The following SUCLG2 variants were observed in gnomAD, a reference collection of about 807,000 sequenced individuals.
SUCLG2 encodes the protein succinate-CoA ligase GDP-forming subunit beta.
A neutral mutation model predicts 47.9 loss-of-function variants in SUCLG2; 42 were observed. The observed-to-expected ratio is 0.88, with a 90% CI of 0.69 to 1.14. SUCLG2 has a LOEUF of 1.14. SUCLG2 is among the 50% of genes most tolerant of loss of function. The pLI is 0.00. For missense variants in SUCLG2, 571 were observed against 525.9 expected (o/e 1.09, Z -0.84); for synonymous variants, 195 against 197.3 (o/e 0.99, Z 0.10).
chr3:67,570,270 C>A (rs981987144), intron 2 of SUCLG2, among the ~76,000 whole-genome samples: 1 of 152,164 alleles, frequency 6.6e-6, no homozygotes, highest in Non-Finnish European at 1.5e-5. Context: ...TTATGGCAGC[C>A]CTAGCTGACT....
intron 1 of SUCLG2, among the ~76,000 whole-genome samples, chr3:67,649,781 T>C (rs1479025319): frequency 6.6e-6 from 1 of 152,244 alleles, no homozygotes; most frequent in Admixed American, 6.5e-5. Context: ...TAACAGAAAG[T>C]GATGCATCAA....
Position 67,481,944 on chromosome 3 carries a change from C to T in SUCLG2, c.1062+13854G>A, listed in dbSNP as rs539779062. Among the ~76,000 whole-genome samples, 35 of 152,234 alleles carry T rather than the reference C, an allele frequency of 2.3e-4. No homozygotes were observed. The South Asian group carries it at 4.0e-3, about 17-fold the overall frequency. On this transcript the variant is annotated intron_variant, in intron 9 of 10. Transcript: ENST00000307227. The stretch of plus-strand genomic sequence containing the variant: ...CTGTAATCCCAGCACTTTGTGAGGC[C>T]GAGGCGGGCGGACCACCTGAGGTCA...
chr3:67,627,218 C>G (rs1226247579), intron 1 of SUCLG2, among the ~76,000 whole-genome samples: 4 of 151,902 alleles, frequency 2.6e-5, no homozygotes, highest in Admixed American at 6.6e-5. Flanking sequence ...ATCTACTTAA[C>G]TATATTTAGT....
intron 8 of SUCLG2, 100 bp downstream of exon 8, chr3:67,498,034 A>T: frequency 7.8e-7 from 1 of 1,277,514 alleles, no homozygotes; most frequent in African/African-American, 1.5e-5. Context: ...AAAAAAACTT[A>T]TGTGCTTACT....
chr3:67,642,398 A>C lies in SUCLG2; in HGVS notation c.84+12105T>G, dbSNP rs1180120145. Among the ~76,000 whole-genome samples the C allele has an allele frequency of 6.6e-5, 10 of 152,142 alleles. No homozygotes were observed. The East Asian group carries it at 1.9e-3, about 29-fold the overall frequency. ...GGTGGGAGGATCACTTGAGGCCACA[A>C]GTTGGAGACCAACCTGGGCAACAAA... On this transcript the variant is annotated intron_variant, in intron 1 of 10. Coordinates refer to ENST00000307227, the MANE Select transcript of SUCLG2 (RefSeq NM_003848.4).
chr3:67,554,141 A>C lies in SUCLG2; in HGVS notation c.227-24955T>G, dbSNP rs547360729. On this transcript the variant is annotated intron_variant, in intron 2 of 10. Coordinates refer to ENST00000307227, the MANE Select transcript of SUCLG2 (RefSeq NM_003848.4). ...TAGCCAGGTTGGAGCTATCTTTACCAGTTGCCAAGACAAATGGGAAGCCCC... is the reference window on the plus strand; with the variant it reads ...TAGCCAGGTTGGAGCTATCTTTACCCGTTGCCAAGACAAATGGGAAGCCCC... 4.6e-5 allele frequency among the ~76,000 whole-genome samples: 7 copies of C among 152,290 alleles called. No homozygotes were observed. The South Asian group carries it at 1.2e-3, about 27-fold the overall frequency.
chr3:67,362,026 A>G (rs1035544454), intron 10 of SUCLG2, among the ~76,000 whole-genome samples: 5 of 152,218 alleles, frequency 3.3e-5, no homozygotes, highest in African/African-American at 1.2e-4. Context: ...CCAAACCAAC[A>G]GGAAAAATTG....
At chr3:67,475,002 TAAAA>T (rs141612730) in intron 9 of SUCLG2, among the ~76,000 whole-genome samples, 1 of 142,956 alleles carries the variant, frequency 7.0e-6, no homozygotes, top group Non-Finnish European at 1.5e-5. Flanking sequence ...TTTCCTGGTC[TAAAA>T]AAAAAAAAAG....
At chr3:67,491,361 CTTTT>C (rs549763218) in intron 9 of SUCLG2, among the ~76,000 whole-genome samples, 4 of 125,854 alleles carry the variant, frequency 3.2e-5, no homozygotes, top group Non-Finnish European at 6.6e-5. Context: ...TTTTCTTTTA[CTTTT>C]TTTTTTTTTT....
At chr3:67,601,766 G>A (rs978935166) in intron 2 of SUCLG2, among the ~76,000 whole-genome samples, 12 of 152,058 alleles carry the variant, frequency 7.9e-5, no homozygotes, top group African/African-American at 1.4e-4. Flanking sequence ...AAGATCACTC[G>A]AGGCCAGGAG....
At chr3:67,490,286 C>G (rs1705173285) in intron 9 of SUCLG2, among the ~76,000 whole-genome samples, 1 of 152,122 alleles carries the variant, frequency 6.6e-6, no homozygotes, top group Admixed American at 6.5e-5. Flanking sequence ...TGAGACAGCA[C>G]AAGTGAATCC....
intron 1 of SUCLG2, among the ~76,000 whole-genome samples, chr3:67,630,481 G>A (rs1463028902): frequency 2.0e-5 from 3 of 152,188 alleles, no homozygotes; most frequent in Non-Finnish European, 4.4e-5. Flanking sequence ...TAGGATAAAT[G>A]ATTTAAATAT....
intron 8 of SUCLG2, among the ~76,000 whole-genome samples, chr3:67,496,304 A>G (rs1234659731): frequency 6.6e-6 from 1 of 152,218 alleles, no homozygotes; most frequent in Non-Finnish European, 1.5e-5. Flanking sequence ...CAGGAGGCAG[A>G]GAAACAAGCT....
At chr3:67,647,048 A>C (rs1486676414) in intron 1 of SUCLG2, among the ~76,000 whole-genome samples, 1 of 152,146 alleles carries the variant, frequency 6.6e-6, no homozygotes, top group Non-Finnish European at 1.5e-5. Flanking sequence ...TCTACAAGGC[A>C]GCCCTCCTGA....
intron 6 of SUCLG2, 61 bp downstream of exon 6, chr3:67,518,186 G>T: frequency 7.2e-7 from 1 of 1,383,814 alleles, no homozygotes; most frequent in Non-Finnish European, 1.0e-6. Flanking sequence ...AGGCAATGAA[G>T]CAAGTTCCCA....
rs529712371 is a variant in SUCLG2, at chr3:67,541,096, G to C, written c.227-11910C>G. Among the ~76,000 whole-genome samples, 29 of 152,234 alleles carry C rather than the reference G, an allele frequency of 1.9e-4. 1 individual carries two copies. Among genetic ancestry groups the C allele is most frequent in the African/African-American group, 5.3e-4 (22 of 41,544 alleles). Reference sequence around the variant, plus strand: ...AAGTTAGATAAATCCACGAAGATAAGGAAGAACCAGTACAAAAAGGCTGAA... The same window carrying C: ...AAGTTAGATAAATCCACGAAGATAACGAAGAACCAGTACAAAAAGGCTGAA... On this transcript the variant is annotated intron_variant, in intron 2 of 10. Transcript: ENST00000307227.
intron 9 of SUCLG2, among the ~76,000 whole-genome samples, chr3:67,457,802 A>G (rs936360778): frequency 1.3e-5 from 2 of 150,246 alleles, no homozygotes; most frequent in African/African-American, 4.9e-5. Context: ...CATGCATGAG[A>G]CACAGTGGTA....
chr3:67,437,775 A>T (rs949778960), intron 9 of SUCLG2, among the ~76,000 whole-genome samples: 1 of 152,158 alleles, frequency 6.6e-6, no homozygotes, highest in East Asian at 1.9e-4. Flanking sequence ...TGATTATGAT[A>T]AAAAATTATA....
intron 9 of SUCLG2, chr3:67,408,618 T>G: frequency 9.9e-7 from 1 of 1,013,860 alleles, no homozygotes; most frequent in Non-Finnish European, 1.2e-6. Flanking sequence ...ATGGGTCTAA[T>G]TAGACTCCAA....
Sources: gnomAD v4.1 joint callset for allele counts (sites outside exome capture counted in the v4.1 genomes callset) on GRCh38, gnomAD v4.1.1 for gene constraint, MANE v1.5 for transcripts, NCBI Gene and HGNC (gene_info 2026-07-23, HGNC 2026-07-21) for gene names.